The following MAP4K4 variants were observed in gnomAD, a reference collection of about 807,000 sequenced individuals.
MAP4K4 encodes mitogen-activated protein kinase kinase kinase kinase 4, also known as HPK/GCK-like kinase HGK.
A neutral mutation model predicts 189.6 loss-of-function variants in MAP4K4; 38 were observed. The observed-to-expected ratio is 0.20, with a 90% confidence interval of 0.15 to 0.26. The LOEUF (loss-of-function observed/expected upper bound fraction) is 0.26, where lower values mean the gene tolerates loss of function less well. MAP4K4 is among the 10% of genes least tolerant of loss of function. The probability of loss-of-function intolerance (pLI) is 1.00; values close to 1 mark genes in which losing one functional copy is unlikely to be tolerated. For synonymous variants in MAP4K4, 610 were observed against 624.3 expected (o/e 0.98, Z 0.34); for missense variants, 1,054 against 1,726.9 (o/e 0.61, Z 6.91).
intron 3 of MAP4K4, among the ~76,000 whole-genome samples, chr2:101,802,858 T>G (rs1472888724): frequency 6.6e-6 from 1 of 152,146 alleles, no homozygotes; most frequent in Non-Finnish European, 1.5e-5. Flanking sequence ...TGATCTCTGC[T>G]CACTGCAACC....
chr2:101,834,393 T>C lies in MAP4K4; in HGVS notation c.640-16T>C, dbSNP rs1415587543. 1 of 1,593,710 alleles carries C rather than the reference T, an allele frequency of 6.3e-7. No individual in the cohort carries two copies. Among genetic ancestry groups the C allele is most frequent in the East Asian group, 2.2e-5 (1 of 44,608 alleles). On this transcript the variant is annotated splice_polypyrimidine_tract_variant and intron_variant, in intron 7 of 32. Coordinates refer to ENST00000324219, the Ensembl canonical transcript of MAP4K4. Reference sequence around the variant, plus strand: ...ATCTACTCCAGTATCTGTAACGTACTGTTTTATTTTTGCAGAGTGATCTTT... The same window carrying C: ...ATCTACTCCAGTATCTGTAACGTACCGTTTTATTTTTGCAGAGTGATCTTT...
intron 7 of MAP4K4, among the ~76,000 whole-genome samples, chr2:101,833,512 C>T (rs2096650187): frequency 6.6e-6 from 1 of 151,118 alleles, no homozygotes; most frequent in Non-Finnish European, 1.5e-5. Context: ...CCCAGCTACT[C>T]AGGAGGCTGA....
In MAP4K4 at chr2:101,719,672, G is replaced by A. The variant is rs115318223; in HGVS notation, c.123+21134G>A. 1.7e-3 allele frequency among the ~76,000 whole-genome samples: 265 copies of A among 152,272 alleles called. 1 individual carries two copies. Among genetic ancestry groups the A allele is most frequent in the African/African-American group, 5.8e-3 (242 of 41,550 alleles). ...CCTAGGAAAGCAGACAGTAAAATGC[G>A]TCGTGTTGGAATAGAAAATTCAAGC... On this transcript the variant is annotated intron_variant, in intron 2 of 32. Transcript: ENST00000324219.
Position 101,864,973 on chromosome 2 carries a change from G to A in MAP4K4, c.2141G>A (p.Arg714Gln), listed in dbSNP as rs764946182. ...TCTCGCTCCCCTGTTCTGTCCCGTCGAGATTCCCCACTGCAGGGCAGTGGG... is the reference window on the plus strand; with the variant it reads ...TCTCGCTCCCCTGTTCTGTCCCGTCAAGATTCCCCACTGCAGGGCAGTGGG... The change falls in exon 18 of 33, where the codon CGA (arginine) becomes CAA (glutamine). Residue 714 changes from arginine to glutamine, a missense_variant. Physicochemically the swap from Arg to Gln is conservative, Grantham distance 43. Transcript: ENST00000324219. The A allele has an allele frequency of 2.5e-6, 4 of 1,579,902 alleles. No individual in the cohort carries two copies. Among genetic ancestry groups the A allele is most frequent in the Non-Finnish European group, 3.4e-6 (4 of 1,162,228 alleles).
rs55715763 is a variant in MAP4K4 at position 101,829,431 on chromosome 2, A to G, written c.418-73A>G. The G allele has an allele frequency of 0.035, 34,286 of 989,630 alleles. 737 individuals are homozygous for G. The highest frequency in any genetic ancestry group is 0.043 in the Non-Finnish European group (27,468 of 637,290). 61.3% of individuals were successfully genotyped at this position (989,630 alleles called of 1,614,324 possible). Reference sequence around the variant, plus strand: ...CTTTGGTCCACATGTGCACTTTCTTATAAAAGGTGTGTTCCTGGCTGTTTA... The same window carrying G: ...CTTTGGTCCACATGTGCACTTTCTTGTAAAAGGTGTGTTCCTGGCTGTTTA... On this transcript the variant is annotated intron_variant, in intron 5 of 32. Transcript: ENST00000324219.
chr2:101,857,314 T>G (rs990880231), intron 13 of MAP4K4, among the ~76,000 whole-genome samples: 2 of 152,228 alleles, frequency 1.3e-5, no homozygotes, highest in Non-Finnish European at 2.9e-5. Context: ...ATTCCCATGT[T>G]AACAGTGCTG....
chr2:101,801,642 C>G (rs1365686388), intron 3 of MAP4K4, among the ~76,000 whole-genome samples: 1 of 152,112 alleles, frequency 6.6e-6, no homozygotes, highest in Non-Finnish European at 1.5e-5. Context: ...CGGTGGAAAC[C>G]CTACCCAGAT....
At chr2:101,813,950 T>C (rs1335906509) in intron 3 of MAP4K4, among the ~76,000 whole-genome samples, 2 of 152,218 alleles carry the variant, frequency 1.3e-5, no homozygotes, top group African/African-American at 4.8e-5. Context: ...TCCCATTAGA[T>C]GGTTTGATAT....
In MAP4K4 at chr2:101,745,338, C is replaced by G. The variant is rs577317474; in HGVS notation, c.124-45382C>G. Reference sequence around the variant, plus strand: ...AAAAGTGAAAATATCACCCCCCCCCCCCCAATACTGCTGTCCTCCCTCCTC... The same window carrying G: ...AAAAGTGAAAATATCACCCCCCCCCGCCCAATACTGCTGTCCTCCCTCCTC... On this transcript the variant is annotated intron_variant, in intron 2 of 32. Coordinates refer to ENST00000324219, the Ensembl canonical transcript of MAP4K4. 1.7e-3 allele frequency among the ~76,000 whole-genome samples: 232 copies of G among 135,706 alleles called. 1 individual carries two copies. In the Middle Eastern group the frequency reaches 0.023, roughly 13 times the overall value. 89.0% of individuals were successfully genotyped at this position (135,706 alleles called of 152,430 possible).
intron 24 of MAP4K4, among the ~76,000 whole-genome samples, 155 bp downstream of exon 24, chr2:101,871,840 G>GTA (rs1000966795): frequency 6.6e-6 from 1 of 151,914 alleles, no homozygotes; most frequent in Non-Finnish European, 1.5e-5. Flanking sequence ...CAAGTAACAT[G>GTA]TTTCAGATCT....
intron 32 of MAP4K4, among the ~76,000 whole-genome samples, chr2:101,890,558 G>A (rs368076510): frequency 6.6e-6 from 1 of 152,154 alleles, no homozygotes. Context: ...CTGGGTGCAA[G>A]CAATTCTCTT....
At chr2:101,769,807 C>T (rs1047935282) in intron 2 of MAP4K4, among the ~76,000 whole-genome samples, 1 of 152,066 alleles carries the variant, frequency 6.6e-6, no homozygotes, top group Admixed American at 6.6e-5. Flanking sequence ...GTCTCAAACT[C>T]CTGACCTCAG....
intron 2 of MAP4K4, among the ~76,000 whole-genome samples, chr2:101,716,611 A>G (rs960702079): frequency 6.6e-6 from 1 of 152,134 alleles, no homozygotes; most frequent in Non-Finnish European, 1.5e-5. Context: ...GCTGGGTAGC[A>G]AACCATGCCT....
chr2:101,856,244 T>C (rs2097452021), intron 13 of MAP4K4, 106 bp downstream of exon 13: 3 of 979,730 alleles, frequency 3.1e-6, no homozygotes, highest in Non-Finnish European at 4.5e-6. Flanking sequence ...TACACACATG[T>C]ACACACATAC....
At chr2:101,723,840 T>C (rs1051584869) in intron 2 of MAP4K4, among the ~76,000 whole-genome samples, 2 of 152,152 alleles carry the variant, frequency 1.3e-5, no homozygotes, top group Non-Finnish European at 2.9e-5. Context: ...CTTGTTTCGG[T>C]TCGGGAAACC....
intron 31 of MAP4K4, among the ~76,000 whole-genome samples, 163 bp from the exon 32 acceptor site, chr2:101,888,633 A>C (rs1291115159): frequency 6.6e-6 from 1 of 152,236 alleles, no homozygotes; most frequent in Non-Finnish European, 1.5e-5. Context: ...AGGTGGTTAC[A>C]AAGGCAGAGT....
chr2:101,726,050 G>T (rs565014356), intron 2 of MAP4K4, among the ~76,000 whole-genome samples: 5 of 152,132 alleles, frequency 3.3e-5, no homozygotes, highest in Admixed American at 2.0e-4. Flanking sequence ...TAGCTTCACC[G>T]CTTCCTCAGG....
chr2:101,698,213 C>T (rs2035567463), intron 1 of MAP4K4, 76 bp downstream of exon 1: 2 of 590,470 alleles, frequency 3.4e-6, no homozygotes, highest in Admixed American at 6.5e-5. Flanking sequence ...CCAGGTCGGC[C>T]GGGCGCTCGG....
At chr2:101,829,465 C>T (rs759674563) in intron 5 of MAP4K4, 39 bp from the exon 6 acceptor site, 1 of 1,410,186 alleles carries the variant, frequency 7.1e-7, no homozygotes, top group Non-Finnish European at 9.9e-7. Context: ...TACTTATAGT[C>T]ACAGAAAACT....
Sources: gnomAD v4.1 joint callset for allele counts (sites outside exome capture counted in the v4.1 genomes callset) on GRCh38, gnomAD v4.1.1 for gene constraint, MANE v1.5 for transcripts, NCBI Gene and HGNC (gene_info 2026-07-23, HGNC 2026-07-21) for gene names.